Variants in CPXM2 observed in about 807,000 individuals in gnomAD.
The protein encoded by CPXM2 is carboxypeptidase X, M14 family member 2.
A neutral mutation model predicts 86.1 loss-of-function variants in CPXM2; 66 were observed. The observed-to-expected ratio is 0.77, with a 90% CI of 0.63 to 0.94. The LOEUF (loss-of-function observed/expected upper bound fraction) is 0.94. CPXM2 is among the 40% of genes least tolerant of loss of function. The pLI is 0.00. For missense variants in CPXM2, 948 were observed against 1,026.3 expected (o/e 0.92, Z 1.04); for synonymous variants, 388 against 400.2 (o/e 0.97, Z 0.36).
intron 2 of CPXM2, among the ~76,000 whole-genome samples, chr10:123,864,417 A>G (rs1273857973): frequency 6.6e-6 from 1 of 152,224 alleles, no homozygotes; most frequent in East Asian, 1.9e-4. Flanking sequence ...CTGATGGGGA[A>G]CCAGGCACAG....
intron 4 of CPXM2, among the ~76,000 whole-genome samples, chr10:123,841,313 G>A (rs1003032633): frequency 6.6e-6 from 1 of 152,204 alleles, no homozygotes; most frequent in Admixed American, 6.5e-5. Context: ...GAGCCGCCGC[G>A]GTCGACAGGG....
At chr10:123,839,727 G>C (rs1848347260) in intron 4 of CPXM2, among the ~76,000 whole-genome samples, 1 of 152,102 alleles carries the variant, frequency 6.6e-6, no homozygotes, top group African/African-American at 2.4e-5. Flanking sequence ...GACGTTTTCT[G>C]GACATACTGA....
intron 10 of CPXM2, 61 bp from the exon 11 acceptor site, chr10:123,762,230 T>G: frequency 6.2e-7 from 1 of 1,608,278 alleles, no homozygotes; most frequent in Non-Finnish European, 8.5e-7. Flanking sequence ...TCCCCAGCTG[T>G]CAAACAGGGA....
chr10:123,749,239 G>A (rs1846025133), intron 13 of CPXM2, among the ~76,000 whole-genome samples: 1 of 152,116 alleles, frequency 6.6e-6, no homozygotes, highest in African/African-American at 2.4e-5. Context: ...CTCAGTGGGA[G>A]CACCTGACTC....
At chr10:123,875,209 C>T (rs1209926205) in intron 2 of CPXM2, among the ~76,000 whole-genome samples, 2 of 152,212 alleles carry the variant, frequency 1.3e-5, no homozygotes, top group Non-Finnish European at 2.9e-5. Flanking sequence ...CCTTCAAAGG[C>T]ACTTGTTTCT....
intron 6 of CPXM2, among the ~76,000 whole-genome samples, chr10:123,782,063 A>C (rs748868609): frequency 7.9e-5 from 12 of 152,250 alleles, no homozygotes; most frequent in Non-Finnish European, 4.4e-5. Flanking sequence ...AAGGGAAATA[A>C]TGTAGGAGTG....
intron 2 of CPXM2, among the ~76,000 whole-genome samples, chr10:123,925,949 T>C (rs1945618911): frequency 1.3e-5 from 2 of 152,352 alleles, no homozygotes; most frequent in South Asian, 4.1e-4. Context: ...TTTTCACTGA[T>C]TTCCAGTGAA....
At chr10:123,762,202 G>GC in intron 10 of CPXM2, 33 bp from the exon 11 acceptor site, 1 of 1,613,828 alleles carries the variant, frequency 6.2e-7, no homozygotes, top group Non-Finnish European at 8.5e-7. Flanking sequence ...AGTAAAATAA[G>GC]CAGGAAGTCA....
intron 2 of CPXM2, among the ~76,000 whole-genome samples, chr10:123,908,766 G>T (rs1945465276): frequency 6.6e-6 from 1 of 152,112 alleles, no homozygotes; most frequent in Non-Finnish European, 1.5e-5. Context: ...GTTTTTAATG[G>T]CAGAAGGGCA....
At chr10:123,902,114 T>G (rs1214971947) in intron 2 of CPXM2, among the ~76,000 whole-genome samples, 1 of 152,208 alleles carries the variant, frequency 6.6e-6, no homozygotes. Context: ...TTGCTCTTAT[T>G]GGGGGTGAAG....
chr10:123,917,493 A>G (rs1249957510), intron 2 of CPXM2, among the ~76,000 whole-genome samples: 1 of 152,212 alleles, frequency 6.6e-6, no homozygotes, highest in African/African-American at 2.4e-5. Context: ...GGGCTTCAGA[A>G]TTCATTTGAC....
intron 4 of CPXM2, among the ~76,000 whole-genome samples, chr10:123,832,354 C>T (rs1220348953): frequency 6.6e-6 from 1 of 152,050 alleles, no homozygotes; most frequent in East Asian, 1.9e-4. Flanking sequence ...CTTGCACAGG[C>T]CTCACAACAC....
chr10:123,858,846 C>T (rs865781736), intron 3 of CPXM2, among the ~76,000 whole-genome samples: 1 of 152,222 alleles, frequency 6.6e-6, no homozygotes, highest in South Asian at 2.1e-4. Flanking sequence ...AGAATGAATG[C>T]TAATAGGTAA....
intron 6 of CPXM2, among the ~76,000 whole-genome samples, chr10:123,791,504 G>A (rs572189128): frequency 3.3e-5 from 5 of 152,266 alleles, no homozygotes; most frequent in African/African-American, 9.6e-5. Flanking sequence ...TGCTTCTTCC[G>A]ATGTCCATTG....
chr10:123,818,039 G>T (rs1847849139), intron 4 of CPXM2, among the ~76,000 whole-genome samples: 1 of 152,230 alleles, frequency 6.6e-6, no homozygotes, highest in Admixed American at 6.5e-5. Context: ...TGATTAGAAA[G>T]TTGGTGAAGA....
intron 4 of CPXM2, among the ~76,000 whole-genome samples, chr10:123,802,823 T>A (rs975877033): frequency 6.6e-6 from 1 of 152,208 alleles, no homozygotes; most frequent in Non-Finnish European, 1.5e-5. Flanking sequence ...CTTGTTATTA[T>A]CTTCCTTTTT....
intron 2 of CPXM2, among the ~76,000 whole-genome samples, chr10:123,899,768 C>G (rs532925057): frequency 2.0e-5 from 3 of 152,090 alleles, no homozygotes; most frequent in Non-Finnish European, 4.4e-5. Context: ...TTACCACACA[C>G]GAAAGTGGAC....
chr10:123,773,384 C>G (rs1186323712), intron 7 of CPXM2, among the ~76,000 whole-genome samples: 1 of 152,164 alleles, frequency 6.6e-6, no homozygotes, highest in Non-Finnish European at 1.5e-5. Context: ...GTTATCACTT[C>G]CTTTGTTGTG....
chr10:123,817,278 G>A (rs1204495942), intron 4 of CPXM2, among the ~76,000 whole-genome samples: 1 of 152,194 alleles, frequency 6.6e-6, no homozygotes, highest in Non-Finnish European at 1.5e-5. Context: ...TGGGCCATAT[G>A]ACCCAGCAGA....
Sources: gnomAD v4.1 joint callset for allele counts (sites outside exome capture counted in the v4.1 genomes callset) on GRCh38, gnomAD v4.1.1 for gene constraint, MANE v1.5 for transcripts, NCBI Gene and HGNC (gene_info 2026-07-23, HGNC 2026-07-21) for gene names.